TPCN2: variants seen among roughly 807,000 people sequenced by gnomAD.
TPCN2 encodes two pore segment channel 2.
Under a neutral mutation model 111.4 loss-of-function variants are expected in TPCN2, and 92 were observed. The ratio of observed to expected loss-of-function variants is 0.83; its 90% CI spans 0.70 to 0.98. TPCN2 has a LOEUF of 0.98. TPCN2 is among the 50% of genes least tolerant of loss of function. The pLI is 0.00. For synonymous variants in TPCN2, 405 were observed against 414.5 expected (o/e 0.98, Z 0.28); for missense variants, 995 against 980.1 (o/e 1.02, Z -0.20).
chr11:69,055,968 G>T (rs1019727123), intron 4 of TPCN2, among the ~76,000 whole-genome samples: 1 of 152,246 alleles, frequency 6.6e-6, no homozygotes, highest in Non-Finnish European at 1.5e-5. Context: ...TTTGACTCTG[G>T]GTTCTGCCTG....
Position 69,081,470 on chromosome 11 carries a change from C to T in TPCN2, c.1660C>T (p.Arg554Cys), listed in dbSNP as rs755301893. ...CATGCTGAACATGCTCATCGTGTTCCGCTTCCTGCGTATCATCCCCAGCAT... is the reference window on the plus strand; with the variant it reads ...CATGCTGAACATGCTCATCGTGTTCTGCTTCCTGCGTATCATCCCCAGCAT... ...TRMLNMLIVF[R>C]FLRIIPSMKL... The change falls in exon 18 of 25, where the codon CGC (arginine) becomes TGC (cysteine). Residue 554 changes from arginine to cysteine, a missense_variant. By Grantham distance (180) the Arg-to-Cys change is radical (BLOSUM62 -3). Transcript: ENST00000294309. 2.4e-5 allele frequency: 37 copies of T among 1,572,494 alleles called. No homozygotes were observed. The highest frequency in any genetic ancestry group is 2.9e-5 in the Non-Finnish European group (34 of 1,158,766).
intron 1 of TPCN2, among the ~76,000 whole-genome samples, chr11:69,051,137 C>A (rs1033436122): frequency 6.6e-6 from 1 of 152,246 alleles, no homozygotes; most frequent in Non-Finnish European, 1.5e-5. Context: ...CTCTTGCCAA[C>A]GGGTTGTGGT....
At chr11:69,058,478 G>A (rs1378318963) in intron 5 of TPCN2, among the ~76,000 whole-genome samples, 4 of 151,954 alleles carry the variant, frequency 2.6e-5, no homozygotes, top group African/African-American at 9.7e-5. Flanking sequence ...TCTGGTGGGC[G>A]CTGGTGCCTC....
chr11:69,088,111 G>C lies in TPCN2; in HGVS notation c.*158G>C, dbSNP rs115141910. On this transcript the variant is annotated 3_prime_UTR_variant, in exon 25 of 25. Transcript: ENST00000294309. ...TGGGGACAGGAACCAAGTCCTTTGC[G>C]TGTGGCCCAACAACCATCTACAGAA... 6.3e-6 allele frequency: 4 copies of C among 630,296 alleles called. No individual in the cohort carries two copies. In the Admixed American group the frequency reaches 1.2e-4, roughly 19 times the overall value. The allele number at this position is 630,296 out of a possible 1,614,324, so 39.0% of individuals were successfully genotyped here.
intron 22 of TPCN2, 109 bp from the exon 23 acceptor site, chr11:69,086,414 T>C: frequency 1.1e-6 from 1 of 873,392 alleles, no homozygotes; most frequent in East Asian, 2.4e-5. Flanking sequence ...TCATGGTGTG[T>C]GTGGGCCGGC....
At chr11:69,070,366 G>A (rs371834275) in intron 8 of TPCN2, 64 bp from the exon 9 acceptor site, 38 of 1,307,188 alleles carry the variant, frequency 2.9e-5, no homozygotes, top group African/African-American at 2.8e-4. Context: ...ATAGTGTAGC[G>A]TCAGGATGGG....
In TPCN2 at chr11:69,079,623, T is replaced by C. The variant is rs529557935; in HGVS notation, c.1540-211T>C. 3.4e-5 allele frequency: 19 copies of C among 555,010 alleles called. No individual in the cohort carries two copies. In the African/African-American group the frequency reaches 3.6e-4, roughly 10 times the overall value. 34.4% of individuals were successfully genotyped at this position (555,010 alleles called of 1,614,324 possible). A position where few individuals can be genotyped will look rare whatever the true frequency, so the allele number is the denominator to read the frequency against. On this transcript the variant is annotated intron_variant, in intron 16 of 24. Transcript: ENST00000294309. ...ACCTCTGCCACCCCAATCTGTGCAG[T>C]CCCCCGATTCCTGAGGCCAGGGTGT...
intron 18 of TPCN2, among the ~76,000 whole-genome samples, chr11:69,082,241 A>T (rs1856045088): frequency 6.6e-6 from 1 of 152,228 alleles, no homozygotes; most frequent in Non-Finnish European, 1.5e-5. Flanking sequence ...AATTACAGCC[A>T]TACAAGCACA....
In TPCN2 at chr11:69,072,044, C is replaced by T. The variant is rs540457758; in HGVS notation, c.1061+21C>T. 701 of 1,596,284 alleles carry T rather than the reference C, an allele frequency of 4.4e-4. 7 individuals carry two copies. In the South Asian group the frequency reaches 7.3e-3, roughly 17 times the overall value. On this transcript the variant is annotated intron_variant, in intron 11 of 24. Coordinates refer to ENST00000294309, the MANE Select transcript of TPCN2 (RefSeq NM_139075.4). ...CAGGCGTGAGTGCTGGGCATGGACC[C>T]TCTTCTCCCTGAGGGTGGGTGCTGT...
In TPCN2 at chr11:69,088,054, G is replaced by T; in HGVS notation, c.*101G>T. 2 of 1,032,128 alleles carry T rather than the reference G, an allele frequency of 1.9e-6. No individual in the cohort carries two copies. The highest frequency in any genetic ancestry group is 2.8e-6 in the Non-Finnish European group (2 of 714,116). The allele number at this position is 1,032,128 out of a possible 1,614,324, so 63.9% of individuals were successfully genotyped here. A position where few individuals can be genotyped will look rare whatever the true frequency, so the allele number is the denominator to read the frequency against. On this transcript the variant is annotated 3_prime_UTR_variant, in exon 25 of 25. Transcript: ENST00000294309. ...GGCCATGCTGTGGCCAGCCAGGCAG[G>T]AAGAGACCTTTCCTCTGACGGACCA...
intron 1 of TPCN2, among the ~76,000 whole-genome samples, chr11:69,049,583 C>A (rs1861122820): frequency 1.3e-5 from 2 of 152,322 alleles, no homozygotes; most frequent in South Asian, 2.1e-4. Context: ...GGTCACACAC[C>A]CAGTAAGTGG....
chr11:69,082,014 G>A (rs1046374891), intron 18 of TPCN2, among the ~76,000 whole-genome samples: 1 of 152,140 alleles, frequency 6.6e-6, no homozygotes, highest in African/African-American at 2.4e-5. Context: ...GAGGTCGGGG[G>A]TCTGGGCCTT....
chr11:69,066,381 G>A (rs1003145734), intron 7 of TPCN2, among the ~76,000 whole-genome samples: 2 of 152,196 alleles, frequency 1.3e-5, no homozygotes, highest in Non-Finnish European at 2.9e-5. Context: ...GTCCCTACCC[G>A]TGGCTCTGTG....
At chr11:69,071,496 C>A in intron 10 of TPCN2, 76 bp downstream of exon 10, 2 of 1,336,516 alleles carry the variant, frequency 1.5e-6, no homozygotes, top group Non-Finnish European at 2.1e-6. Flanking sequence ...AGATGAGCAG[C>A]TGGGTGACCC....
chr11:69,079,707 C>A, intron 16 of TPCN2, 127 bp from the exon 17 acceptor site: 1 of 828,702 alleles, frequency 1.2e-6, no homozygotes, highest in Non-Finnish European at 1.9e-6. Context: ...CAGGACCAAG[C>A]TCTGATTTCT....
At chr11:69,072,130 C>A in intron 11 of TPCN2, 107 bp downstream of exon 11, 1 of 932,712 alleles carries the variant, frequency 1.1e-6, no homozygotes, top group Non-Finnish European at 1.6e-6. Flanking sequence ...TGTGCCTCGC[C>A]CCTGCTGGCT....
At position 69,057,626 on chromosome 11, in the gene TPCN2, G is replaced by T. The variant is rs902675417; in HGVS notation, c.478G>T (p.Gly160Cys). 1.9e-6 allele frequency: 3 copies of T among 1,614,088 alleles called. No homozygotes were observed. Among genetic ancestry groups the T allele is most frequent in the African/African-American group, 1.3e-5 (1 of 74,932 alleles). The change falls in exon 5 of 25, where the codon GGC (glycine) becomes TGC (cysteine). Residue 160 changes from glycine (G) to cysteine (C), a missense_variant. Gly to Cys is a radical substitution (Grantham distance 159). Coordinates refer to ENST00000294309, the MANE Select transcript of TPCN2 (RefSeq NM_139075.4). ...AHFQKNLWLL[G>C]YLVVLVVSLV... Reference sequence around the variant, plus strand: ...TTTCCAGAAAAACCTTTGGCTGCTGGGCTACCTCGTGGTGCTGGTGGTGTC... The same window carrying T: ...TTTCCAGAAAAACCTTTGGCTGCTGTGCTACCTCGTGGTGCTGGTGGTGTC...
At chr11:69,070,937 C>T in intron 9 of TPCN2, among the ~76,000 whole-genome samples, 1 of 148,474 alleles carries the variant, frequency 6.7e-6, no homozygotes, top group Non-Finnish European at 1.5e-5. Flanking sequence ...CCCAGGGATC[C>T]CCCACCCCAC....
At chr11:69,087,380 G>A (rs922638979) in intron 24 of TPCN2, among the ~76,000 whole-genome samples, 174 bp downstream of exon 24, 3 of 152,176 alleles carry the variant, frequency 2.0e-5, no homozygotes, top group African/African-American at 7.2e-5. Flanking sequence ...GGATCGGGGC[G>A]GCTTCTTCTT....
Sources: gnomAD v4.1 joint callset for allele counts (sites outside exome capture counted in the v4.1 genomes callset) on GRCh38, gnomAD v4.1.1 for gene constraint, MANE v1.5 for transcripts, NCBI Gene and HGNC (gene_info 2026-07-23, HGNC 2026-07-21) for gene names.